CFAP46: variants seen among roughly 807,000 people sequenced by gnomAD.
CFAP46 encodes the protein cilia and flagella associated protein 46, also known as cilia- and flagella-associated protein 46.
In CFAP46, 245 loss-of-function variants were observed where a neutral mutation model predicts 325.7. That is an observed-to-expected ratio of 0.75 (90% confidence interval 0.68 to 0.84). The LOEUF (loss-of-function observed/expected upper bound fraction) is 0.84. Ranked by LOEUF, CFAP46 falls within the 40% of genes least tolerant of loss-of-function variation. The probability of loss-of-function intolerance (pLI) is 0.00; values close to 1 mark genes in which losing one functional copy is unlikely to be tolerated. For synonymous variants in CFAP46, 1,523 were observed against 1,495.9 expected (o/e 1.02, Z -0.42); for missense variants, 3,346 against 3,543.0 (o/e 0.94, Z 1.41).
At chr10:132,839,610 T>G (rs1564773497) in intron 44 of CFAP46, among the ~76,000 whole-genome samples, 1 of 152,196 alleles carries the variant, frequency 6.6e-6, no homozygotes, top group Non-Finnish European at 1.5e-5. Context: ...GGGAAAACTT[T>G]TCAATACTGT....
At chr10:132,942,407 G>A (rs1044852912) in intron 1 of CFAP46, 29 bp downstream of exon 1, 20 of 1,366,342 alleles carry the variant, frequency 1.5e-5, no homozygotes, top group Non-Finnish European at 1.9e-5. Context: ...GCCTCCCCGG[G>A]GCGGGGGTCG....
At chr10:132,924,320 C>G (rs960527249) in intron 11 of CFAP46, among the ~76,000 whole-genome samples, 1 of 152,154 alleles carries the variant, frequency 6.6e-6, no homozygotes, top group East Asian at 1.9e-4. Context: ...GAGGACACAC[C>G]GTGCTCCTCC....
intron 50 of CFAP46, among the ~76,000 whole-genome samples, chr10:132,816,766 G>A (rs1254507879): frequency 6.6e-6 from 1 of 152,124 alleles, no homozygotes; most frequent in Admixed American, 6.5e-5. Flanking sequence ...ACATTTCCAT[G>A]ATCATTTCAT....
chr10:132,810,871 C>A, intron 56 of CFAP46, 79 bp downstream of exon 56: 1 of 1,342,052 alleles, frequency 7.5e-7, no homozygotes, highest in African/African-American at 1.4e-5. Context: ...GGTCCCTCCT[C>A]CCTTGTGGGT....
chr10:132,937,726 C>T, intron 5 of CFAP46, 51 bp from the exon 6 acceptor site: 4 of 1,555,920 alleles, frequency 2.6e-6, no homozygotes, highest in Non-Finnish European at 3.5e-6. Context: ...CTGTTTTCTC[C>T]TATCTAATAA....
At chr10:132,823,418 TGTGA>T (rs1847936554) in intron 50 of CFAP46, among the ~76,000 whole-genome samples, 1 of 139,840 alleles carries the variant, frequency 7.2e-6, no homozygotes, top group Admixed American at 7.0e-5. Flanking sequence ...CTGTGTGCTG[TGTGA>T]GTGCTGATGT....
At chr10:132,905,449 C>A (rs964720106) in intron 22 of CFAP46, among the ~76,000 whole-genome samples, 4 of 126,390 alleles carry the variant, frequency 3.2e-5, no homozygotes, top group African/African-American at 1.5e-4. Context: ...ACATATCTTT[C>A]CTTTTTTTTT....
chr10:132,815,302 T>C (rs111681542), intron 50 of CFAP46, among the ~76,000 whole-genome samples: 1,773 of 152,324 alleles, frequency 0.012, 30 homozygotes, highest in African/African-American at 0.038. Flanking sequence ...TCTGAGTAGA[T>C]AGTCATGTGC....
At chr10:132,938,780 A>C (rs746817059) in intron 4 of CFAP46, 27 bp from the exon 5 acceptor site, 42 of 1,601,782 alleles carry the variant, frequency 2.6e-5, no homozygotes, top group Non-Finnish European at 1.3e-5. Context: ...GGAAGCAGAG[A>C]GCACGCTCAA....
intron 50 of CFAP46, among the ~76,000 whole-genome samples, chr10:132,820,109 A>G (rs930041944): frequency 6.6e-6 from 1 of 150,940 alleles, no homozygotes; most frequent in Admixed American, 6.6e-5. Context: ...AAGAAGACAT[A>G]AAAATGGCTA....
intron 44 of CFAP46, among the ~76,000 whole-genome samples, chr10:132,837,459 G>A (rs554759953): frequency 4.9e-5 from 7 of 143,830 alleles, no homozygotes; most frequent in African/African-American, 8.4e-5. Context: ...GTGCTCACGC[G>A]GACATGCACA....
rs776876237 is a variant in CFAP46 at position 132,899,539 on chromosome 10, C to A, written c.3052G>T (p.Ala1018Ser). ...CAGCCCCTTAGAGCCACACACCTGGCGCTCTCCGTGAAGGCCTTGGCTGCC... is the reference window on the plus strand; with the variant it reads ...CAGCCCCTTAGAGCCACACACCTGGAGCTCTCCGTGAAGGCCTTGGCTGCC... ...LVAAKAFTESARFGGIAGSSA... is the reference protein window; with the variant it reads ...LVAAKAFTESSRFGGIAGSSA... Residue 1018 changes from alanine (A) to serine (S), a missense_variant, in exon 23 of 58, where the codon GCC becomes TCC. Ala to Ser is a moderately conservative substitution (Grantham distance 99). Transcript: ENST00000368586. The A allele has an allele frequency of 1.3e-6, 2 of 1,546,634 alleles. No individual in the cohort carries two copies. The highest frequency in any genetic ancestry group is 8.7e-7 in the Non-Finnish European group (1 of 1,145,716).
intron 39 of CFAP46, among the ~76,000 whole-genome samples, chr10:132,856,062 C>CT (rs1848637403): frequency 6.6e-6 from 1 of 152,206 alleles, no homozygotes; most frequent in African/African-American, 2.4e-5. Flanking sequence ...GGAGAAACAT[C>CT]TTTATCTCAC....
intron 9 of CFAP46, among the ~76,000 whole-genome samples, chr10:132,927,492 G>A (rs990541348): frequency 6.6e-6 from 1 of 152,174 alleles, no homozygotes; most frequent in Non-Finnish European, 1.5e-5. Context: ...CCGCAGTCCT[G>A]CATGTCTGGG....
chr10:132,939,013 C>T lies in CFAP46; in HGVS notation c.372-260G>A, dbSNP rs113076220. ...CAGCGCAGGCCCGGCTGTGATGACC[C>T]GGCCACAGGCTCCCGAGTCCAGACC... On this transcript the variant is annotated intron_variant, in intron 4 of 57. Coordinates refer to ENST00000368586, the MANE Select transcript of CFAP46 (RefSeq NM_001200049.3). This position sits in a 1 kb window ranked among gnomAD's most constrained non-coding sequence, Gnocchi z 4.6. Among the ~76,000 whole-genome samples, 6,941 of 152,290 alleles carry T rather than the reference C, an allele frequency of 0.046. 191 individuals are homozygous for T. Among genetic ancestry groups the T allele is most frequent in the South Asian group, 0.086 (414 of 4,822 alleles).
chr10:132,926,099 C>T (rs1388264379), intron 10 of CFAP46, among the ~76,000 whole-genome samples: 1 of 152,242 alleles, frequency 6.6e-6, no homozygotes, highest in African/African-American at 2.4e-5. Flanking sequence ...TCGTCTCAGA[C>T]AGCAGGACAG....
chr10:132,911,976 G>C (rs11146589), intron 19 of CFAP46, among the ~76,000 whole-genome samples: 108 of 152,100 alleles, frequency 7.1e-4, no homozygotes, highest in African/African-American at 2.5e-3. Flanking sequence ...TTCCTAGATT[G>C]TTCTCACGTC....
chr10:132,847,332 C>T lies in CFAP46; in HGVS notation c.5953-11G>A, dbSNP rs749382812. On this transcript the variant is annotated splice_polypyrimidine_tract_variant and intron_variant, in intron 41 of 57. Transcript: ENST00000368586. This position sits in a 1 kb window ranked among gnomAD's most constrained non-coding sequence, Gnocchi z 5.2. Reference sequence around the variant, plus strand: ...CAGCTTGGCGCCCACCTGTGACACACATTGCAGGTTGGCAGACACTTCTGG... The same window carrying T: ...CAGCTTGGCGCCCACCTGTGACACATATTGCAGGTTGGCAGACACTTCTGG... 1.2e-6 allele frequency: 2 copies of T among 1,613,268 alleles called. No individual in the cohort carries two copies. Among genetic ancestry groups the T allele is most frequent in the Non-Finnish European group, 1.7e-6 (2 of 1,179,766 alleles).
chr10:132,916,632 G>A lies in CFAP46; in HGVS notation c.2037C>T (p.Ala679=), dbSNP rs1301656745. Residue 679 remains alanine, a synonymous_variant, in exon 17 of 58, where the codon GCC becomes GCT. Transcript: ENST00000368586. ...RSEGVELNDR[A]IPPEDLSQHP... is the part of the protein sequence containing the mutation. ...GCTGGCTCAGGTCTTCGGGGGGGATGGCCCGGTCATTCAGCTCTACACCTT... is the reference window on the plus strand; with the variant it reads ...GCTGGCTCAGGTCTTCGGGGGGGATAGCCCGGTCATTCAGCTCTACACCTT... 1 of 1,537,408 alleles carries A rather than the reference G, an allele frequency of 6.5e-7. No homozygotes were observed. Among genetic ancestry groups the A allele is most frequent in the East Asian group, 2.5e-5 (1 of 40,004 alleles).
Sources: gnomAD v4.1 joint callset for allele counts (sites outside exome capture counted in the v4.1 genomes callset) on GRCh38, gnomAD v4.1.1 for gene constraint, Gnocchi (gnomAD v3.1) non-coding constraint, MANE v1.5 for transcripts, NCBI Gene and HGNC (gene_info 2026-07-23, HGNC 2026-07-21) for gene names.